The following PCDHGA7 variants were observed in gnomAD, a reference collection of about 807,000 sequenced individuals.
The protein encoded by PCDHGA7 is protocadherin gamma subfamily A, 7, also known as protocadherin gamma-A7.
A neutral mutation model predicts 58.3 loss-of-function variants in PCDHGA7; 44 were observed. The ratio of observed to expected loss-of-function variants is 0.75; its 90% CI spans 0.59 to 0.97. The LOEUF (loss-of-function observed/expected upper bound fraction) is 0.97. PCDHGA7 is among the 50% of genes least tolerant of loss of function. The pLI is 0.00. For synonymous variants in PCDHGA7, 516 were observed against 504.2 expected, an observed-to-expected ratio of 1.02 and a Z score of -0.31; for missense variants, 1,266 against 1,188.7, an observed-to-expected ratio of 1.06 and a Z score of -0.96.
At chr5:141,508,830 C>G (rs1320903059) in intron 3 of PCDHGA7, among the ~76,000 whole-genome samples, 2 of 152,150 alleles carry the variant, frequency 1.3e-5, no homozygotes, top group Non-Finnish European at 2.9e-5. Flanking sequence ...CTGGGCCCCC[C>G]TCCCCTACCC....
At chr5:141,420,018 G>A (rs2096458708) in intron 1 of PCDHGA7, 2 of 1,613,948 alleles carry the variant, frequency 1.2e-6, no homozygotes, top group African/African-American at 1.3e-5. Flanking sequence ...CAGTCTTTCA[G>A]CCCTACTGCA....
chr5:141,390,182 A>G (rs771358768), intron 1 of PCDHGA7: 5 of 1,613,870 alleles, frequency 3.1e-6, no homozygotes, highest in Non-Finnish European at 1.7e-6. Flanking sequence ...ATTTCCTAAA[A>G]TGTAGTGAGC....
intron 1 of PCDHGA7, chr5:141,388,620 G>A (rs2091421768): frequency 6.2e-7 from 1 of 1,613,912 alleles, no homozygotes; most frequent in East Asian, 2.2e-5. Flanking sequence ...CAGTCAAGAC[G>A]TATACAGGGT....
In PCDHGA7 at chr5:141,489,750, C is replaced by A. The variant is rs753217170; in HGVS notation, c.2425-5057C>A. 1 of 1,614,098 alleles carries A rather than the reference C, an allele frequency of 6.2e-7. No individual in the cohort carries two copies. The highest frequency in any genetic ancestry group is 1.1e-5 in the South Asian group (1 of 91,080). Reference sequence around the variant, plus strand: ...TGGGCACCAATACTGTGAGCTTTTACACTCTAAGCCCCAACAGCCACTTCT... The same window carrying A: ...TGGGCACCAATACTGTGAGCTTTTAAACTCTAAGCCCCAACAGCCACTTCT... On this transcript the variant is annotated intron_variant, in intron 1 of 3. Coordinates refer to ENST00000518325, the MANE Select transcript of PCDHGA7 (RefSeq NM_018920.4). This position sits in a 1 kb window ranked among gnomAD's most constrained non-coding sequence, Gnocchi z 4.5.
In PCDHGA7 at chr5:141,384,503, A is replaced by T. The variant is rs761415530; in HGVS notation, c.1604A>T (p.His535Leu). The change falls in exon 1 of 4, where the codon CAT becomes CTT. Residue 535 changes from histidine to leucine, a missense_variant. His to Leu is a moderately conservative substitution (Grantham distance 99, BLOSUM62 -3). Coordinates refer to ENST00000518325, the MANE Select transcript of PCDHGA7 (RefSeq NM_018920.4). ...GAACTACAACTAAGAGTGACTGCACATGACAGCGGGGACCCGCCTCTCAGC... is the reference window on the plus strand; with the variant it reads ...GAACTACAACTAAGAGTGACTGCACTTGACAGCGGGGACCCGCCTCTCAGC... ...LRELQLRVTA[H>L]DSGDPPLSSN... is the part of the protein sequence containing the mutation. 155 of 1,614,074 alleles carry T rather than the reference A, an allele frequency of 9.6e-5. No individual in the cohort carries two copies. Among genetic ancestry groups the T allele is most frequent in the Non-Finnish European group, 1.3e-4 (153 of 1,180,026 alleles).
intron 1 of PCDHGA7, chr5:141,393,973 G>T (rs776954838): frequency 4.3e-6 from 7 of 1,613,668 alleles, no homozygotes; most frequent in Non-Finnish European, 5.1e-6. Context: ...TGTTACACAC[G>T]TGATAATTTA....
intron 1 of PCDHGA7, chr5:141,394,693 G>C: frequency 1.2e-6 from 2 of 1,613,006 alleles, no homozygotes; most frequent in Non-Finnish European, 1.7e-6. Context: ...GGCGAGGTGC[G>C]CACGGCGCGA....
intron 1 of PCDHGA7, chr5:141,400,544 A>G (rs1436586530): frequency 6.2e-7 from 1 of 1,613,568 alleles, no homozygotes; most frequent in Non-Finnish European, 8.5e-7. Flanking sequence ...ATTTATGTCT[A>G]TTCTTTTTCA....
intron 1 of PCDHGA7, chr5:141,389,382 T>C (rs2091728828): frequency 6.2e-7 from 1 of 1,613,704 alleles, no homozygotes; most frequent in East Asian, 2.2e-5. Flanking sequence ...GCGGGAGCTG[T>C]CATCCTACGT....
intron 1 of PCDHGA7, chr5:141,424,285 T>A (rs573116321): frequency 6.5e-6 from 1 of 152,894 alleles, no homozygotes; most frequent in South Asian, 2.1e-4. Context: ...CTTTGTCTCA[T>A]TTCTTCATCC....
intron 1 of PCDHGA7, among the ~76,000 whole-genome samples, chr5:141,479,837 G>A (rs563513895): frequency 3.9e-5 from 6 of 152,338 alleles, no homozygotes; most frequent in Non-Finnish European, 8.8e-5. Flanking sequence ...TGGTATCCAT[G>A]CAAGGTGACT....
chr5:141,433,837 C>CAAAAAAAAAAAAAAA (rs56191208), intron 1 of PCDHGA7, among the ~76,000 whole-genome samples: 1 of 111,692 alleles, frequency 9.0e-6, no homozygotes. Flanking sequence ...AACTCTATCT[C>CAAAAAAAAAAAAAAA]AAAAAAAAAA....
At chr5:141,403,645 A>G (rs2154534430) in intron 1 of PCDHGA7, 1 of 1,613,922 alleles carries the variant, frequency 6.2e-7, no homozygotes, top group South Asian at 1.1e-5. Flanking sequence ...TCCATGTGAC[A>G]GTGTTGGATA....
intron 1 of PCDHGA7, among the ~76,000 whole-genome samples, chr5:141,488,802 A>G (rs910422824): frequency 2.0e-5 from 3 of 152,294 alleles, no homozygotes; most frequent in Middle Eastern, 3.4e-3. Flanking sequence ...CCTGTTGAGT[A>G]CCATCTGAGC....
In PCDHGA7 at chr5:141,485,556, A is replaced by T; in HGVS notation, c.2425-9251A>T. On this transcript the variant is annotated intron_variant, in intron 1 of 3. Coordinates refer to ENST00000518325, the MANE Select transcript of PCDHGA7 (RefSeq NM_018920.4). This position sits in a 1 kb window ranked among gnomAD's most constrained non-coding sequence, Gnocchi z 5.7. ...GAGGTAGAGATCGTAGATGTGAATG[A>T]TCACGCCCCCCGTTTTCCGCGGCAG... is the stretch of plus-strand genomic sequence containing the variant. The T allele has an allele frequency of 6.2e-7, 1 of 1,613,664 alleles. No homozygotes were observed. Among genetic ancestry groups the T allele is most frequent in the Non-Finnish European group, 8.5e-7 (1 of 1,179,644 alleles).
At chr5:141,462,122 C>A (rs1437400069) in intron 1 of PCDHGA7, among the ~76,000 whole-genome samples, 3 of 152,044 alleles carry the variant, frequency 2.0e-5, no homozygotes, top group Admixed American at 6.6e-5. Context: ...TGCACCCAGT[C>A]CAATTTTTTG....
chr5:141,409,022 A>G (rs1258261622), intron 1 of PCDHGA7: 1 of 1,614,046 alleles, frequency 6.2e-7, no homozygotes, highest in Non-Finnish European at 8.5e-7. Flanking sequence ...TGAGGGGGTC[A>G]ATGCTGAGAT....
intron 1 of PCDHGA7, among the ~76,000 whole-genome samples, chr5:141,460,344 A>G (rs930557610): frequency 7.2e-5 from 11 of 152,060 alleles, no homozygotes; most frequent in African/African-American, 2.2e-4. Context: ...ATTTTCTCCT[A>G]TATTTTCTTT....
At chr5:141,418,594 C>A in intron 1 of PCDHGA7, 4 of 1,614,022 alleles carry the variant, frequency 2.5e-6, no homozygotes, top group Non-Finnish European at 3.4e-6. Context: ...TCAGCCAGGA[C>A]GTGTACAGGG....
Sources: gnomAD v4.1 joint callset for allele counts (sites outside exome capture counted in the v4.1 genomes callset) on GRCh38, gnomAD v4.1.1 for gene constraint, Gnocchi (gnomAD v3.1) non-coding constraint, MANE v1.5 for transcripts, NCBI Gene and HGNC (gene_info 2026-07-23, HGNC 2026-07-21) for gene names.